CNTNAP2: variants seen among roughly 807,000 people sequenced by gnomAD.
CNTNAP2 encodes contactin associated protein 2.
In CNTNAP2, 98 loss-of-function variants were observed where a neutral mutation model predicts 155.2. The observed-to-expected ratio is 0.63, with a 90% confidence interval of 0.54 to 0.75. CNTNAP2 has a LOEUF of 0.75. CNTNAP2 is among the 30% of genes least tolerant of loss of function. CNTNAP2 has a pLI of 0.00. For missense variants in CNTNAP2, 1,727 were observed against 1,688.1 expected (o/e 1.02, Z -0.40); for synonymous variants, 651 against 631.2 (o/e 1.03, Z -0.47).
intron 13 of CNTNAP2, among the ~76,000 whole-genome samples, chr7:147,892,491 C>T (rs901499564): frequency 1.3e-5 from 2 of 152,174 alleles, no homozygotes; most frequent in Admixed American, 6.5e-5. Context: ...CCTGCAGTGC[C>T]AGTGACCACA....
intron 1 of CNTNAP2, among the ~76,000 whole-genome samples, chr7:146,212,472 C>T (rs904502795): frequency 1.3e-5 from 2 of 152,044 alleles, no homozygotes; most frequent in African/African-American, 4.8e-5. Context: ...ATCATCTGGA[C>T]GTATAATGAT....
chr7:146,936,622 C>A (rs1214758522), intron 3 of CNTNAP2, among the ~76,000 whole-genome samples: 1 of 152,180 alleles, frequency 6.6e-6, no homozygotes, highest in African/African-American at 2.4e-5. Flanking sequence ...TGAACCATAA[C>A]CTAACTTAAT....
chr7:147,848,964 A>T (rs1343718522), intron 13 of CNTNAP2, among the ~76,000 whole-genome samples: 2 of 152,084 alleles, frequency 1.3e-5, no homozygotes, highest in African/African-American at 2.4e-5. Context: ...CATATTAGAG[A>T]TTCTGTAACT....
intron 13 of CNTNAP2, among the ~76,000 whole-genome samples, chr7:147,859,968 T>C (rs2116683550): frequency 6.6e-6 from 1 of 152,286 alleles, no homozygotes; most frequent in South Asian, 2.1e-4. Context: ...GGCTTTAATA[T>C]TTCGTATGGT....
chr7:147,443,896 T>C (rs1237259639), intron 10 of CNTNAP2, among the ~76,000 whole-genome samples: 2 of 152,220 alleles, frequency 1.3e-5, no homozygotes, highest in Non-Finnish European at 2.9e-5. Context: ...AGGAAGATTA[T>C]CTCCTCCAAG....
chr7:147,130,801 G>A (rs1801337269), intron 7 of CNTNAP2, among the ~76,000 whole-genome samples: 1 of 151,984 alleles, frequency 6.6e-6, no homozygotes, highest in African/African-American at 2.4e-5. Flanking sequence ...ACTCTGGAAG[G>A]ATCTTTAATT....
At position 148,415,639 on chromosome 7, in the gene CNTNAP2, A is replaced by ATAGGGAGGAGGGAATTAC; in HGVS notation, c.*34_*51dup. On this transcript the variant is annotated 3_prime_UTR_variant, in exon 24 of 24. Transcript: ENST00000361727. Reference sequence around the variant, plus strand: ...TGAGGGGTGGCTACTTGGCTATGGGATAGGGAGGAGGGAATTACTAGGGAG... The same window carrying ATAGGGAGGAGGGAATTAC: ...TGAGGGGTGGCTACTTGGCTATGGGATAGGGAGGAGGGAATTACTAGGGAGGAGGGAATTACTAGGGAG... 1 of 1,614,016 alleles carries ATAGGGAGGAGGGAATTAC rather than the reference A, an allele frequency of 6.2e-7. No homozygotes were observed. The highest frequency in any genetic ancestry group is 8.5e-7 in the Non-Finnish European group (1 of 1,179,914).
intron 13 of CNTNAP2, among the ~76,000 whole-genome samples, chr7:147,640,175 T>C (rs1306365480): frequency 1.3e-5 from 2 of 152,122 alleles, no homozygotes; most frequent in Non-Finnish European, 2.9e-5. Flanking sequence ...TATATATATA[T>C]ATATAGTGCA....
chr7:147,717,730 A>G (rs556830856), intron 13 of CNTNAP2, among the ~76,000 whole-genome samples: 2 of 152,194 alleles, frequency 1.3e-5, no homozygotes, highest in African/African-American at 4.8e-5. Flanking sequence ...AAAAAAGCAA[A>G]CAGCCAGACA....
intron 14 of CNTNAP2, among the ~76,000 whole-genome samples, chr7:147,945,817 T>C (rs1017760800): frequency 4.6e-5 from 7 of 151,584 alleles, no homozygotes; most frequent in African/African-American, 1.7e-4. Context: ...CTGGAAACCA[T>C]TCTTCGCATT....
chr7:148,263,634 G>A (rs892962902), intron 20 of CNTNAP2, among the ~76,000 whole-genome samples: 2 of 151,898 alleles, frequency 1.3e-5, no homozygotes, highest in Non-Finnish European at 2.9e-5. Context: ...CTACTAGGGA[G>A]GCTGAGGCAG....
At chr7:147,102,162 T>A (rs1563077224) in intron 4 of CNTNAP2, among the ~76,000 whole-genome samples, 2 of 151,118 alleles carry the variant, frequency 1.3e-5, no homozygotes, top group Non-Finnish European at 2.9e-5. Flanking sequence ...AATTGAAATA[T>A]CAAATTTCAA....
intron 12 of CNTNAP2, among the ~76,000 whole-genome samples, chr7:147,592,917 A>G (rs1219028729): frequency 6.6e-6 from 1 of 152,194 alleles, no homozygotes; most frequent in South Asian, 2.1e-4. Context: ...CCCTGCTGCT[A>G]TGAAGGTGAC....
chr7:146,959,992 T>C (rs930795546), intron 3 of CNTNAP2, among the ~76,000 whole-genome samples: 1 of 152,088 alleles, frequency 6.6e-6, no homozygotes, highest in Admixed American at 6.6e-5. Context: ...AGGTAGCATT[T>C]CTTTTCCCCT....
At chr7:148,116,267 C>A (rs1014980474) in intron 15 of CNTNAP2, among the ~76,000 whole-genome samples, 1 of 152,088 alleles carries the variant, frequency 6.6e-6, no homozygotes, top group Admixed American at 6.6e-5. Flanking sequence ...TTACCTGCGA[C>A]AGTAATTAAT....
At chr7:146,893,572 A>G (rs1217680653) in intron 3 of CNTNAP2, among the ~76,000 whole-genome samples, 1 of 151,992 alleles carries the variant, frequency 6.6e-6, no homozygotes, top group Non-Finnish European at 1.5e-5. Context: ...GGTTAAGAAA[A>G]AGATATTCTA....
chr7:146,820,827 C>G (rs200456297), intron 2 of CNTNAP2, among the ~76,000 whole-genome samples: 10 of 152,126 alleles, frequency 6.6e-5, no homozygotes, highest in African/African-American at 9.6e-5. Flanking sequence ...CTAAGGACTT[C>G]CTTTATGAAT....
intron 12 of CNTNAP2, among the ~76,000 whole-genome samples, chr7:147,591,061 G>T (rs1416695318): frequency 6.6e-6 from 1 of 152,082 alleles, no homozygotes; most frequent in East Asian, 1.9e-4. Context: ...CTTGGTGAAG[G>T]GCACCTGTGT....
At chr7:146,957,247 A>G (rs1261127049) in intron 3 of CNTNAP2, among the ~76,000 whole-genome samples, 1 of 152,186 alleles carries the variant, frequency 6.6e-6, no homozygotes, top group Non-Finnish European at 1.5e-5. Context: ...GTATTAATAT[A>G]TCTAAGCATA....
Sources: gnomAD v4.1 joint callset for allele counts (sites outside exome capture counted in the v4.1 genomes callset) on GRCh38, gnomAD v4.1.1 for gene constraint, MANE v1.5 for transcripts, NCBI Gene and HGNC (gene_info 2026-07-23, HGNC 2026-07-21) for gene names.